Variants in UPP1 observed in about 807,000 individuals in gnomAD.
UPP1 encodes the protein uridine phosphorylase 1.
A neutral mutation model predicts 29.6 loss-of-function variants in UPP1; 25 were observed. That is an observed-to-expected ratio of 0.85 (90% CI 0.62 to 1.18). The LOEUF is 1.18. Among genes scored for constraint, UPP1 ranks in the 50% most tolerant of loss-of-function variants. The pLI, the probability that UPP1 is intolerant of heterozygous loss-of-function variation, is 0.00. For synonymous variants in UPP1, 165 were observed against 159.8 expected, an observed-to-expected ratio of 1.03 and a Z score of -0.25; for missense variants, 368 against 410.4, an observed-to-expected ratio of 0.90 and a Z score of 0.89.
intron 6 of UPP1, 152 bp downstream of exon 6, chr7:48,103,563 C>A: frequency 1.1e-6 from 1 of 894,552 alleles, no homozygotes; most frequent in Non-Finnish European, 1.7e-6. Context: ...TGAAAAGAAG[C>A]TTGTTTTGTT....
chr7:48,100,300 G>T (rs572284654), intron 4 of UPP1, among the ~76,000 whole-genome samples: 1 of 152,178 alleles, frequency 6.6e-6, no homozygotes, highest in Non-Finnish European at 1.5e-5. Context: ...TTCTGGGACC[G>T]CTGTTGTGTA....
intron 3 of UPP1, among the ~76,000 whole-genome samples, chr7:48,097,384 C>G (rs1038325206): frequency 6.6e-6 from 1 of 152,134 alleles, no homozygotes; most frequent in African/African-American, 2.4e-5. Context: ...TAGGTGCATG[C>G]CACCATGCCT....
At chr7:48,100,850 A>T (rs775608538) in intron 4 of UPP1, among the ~76,000 whole-genome samples, 1 of 152,074 alleles carries the variant, frequency 6.6e-6, no homozygotes, top group African/African-American at 2.4e-5. Flanking sequence ...ATTCCAGGCT[A>T]TGGAATTTTC....
intron 3 of UPP1, 74 bp from the exon 4 acceptor site, chr7:48,099,596 G>A: frequency 3.8e-6 from 4 of 1,049,134 alleles, no homozygotes; most frequent in Middle Eastern, 2.0e-4. Flanking sequence ...GTCTGACATA[G>A]GCCACTTCTG....
chr7:48,099,677 C>T lies in UPP1; in HGVS notation c.52C>T (p.Pro18Ser). The change falls in exon 4 of 9, where the codon CCC becomes TCC. Residue 18 changes from proline to serine, a missense_variant. Coordinates refer to ENST00000395564, the MANE Select transcript of UPP1 (RefSeq NM_003364.4). Reference sequence around the variant, plus strand: ...TTTCTTGTTTTTTAACAGTGATTGCCCCGTCAGACTTTTAAATCCAAACAT... The same window carrying T: ...TTTCTTGTTTTTTAACAGTGATTGCTCCGTCAGACTTTTAAATCCAAACAT... ...AEKAESHNDCPVRLLNPNIAK... is the reference protein window; with the variant it reads ...AEKAESHNDCSVRLLNPNIAK... The T allele has an allele frequency of 6.2e-7, 1 of 1,609,312 alleles. No homozygotes were observed. Among genetic ancestry groups the T allele is most frequent in the African/African-American group, 1.3e-5 (1 of 74,906 alleles).
intron 3 of UPP1, among the ~76,000 whole-genome samples, chr7:48,096,491 A>G (rs1412519125): frequency 2.6e-5 from 4 of 152,142 alleles, no homozygotes; most frequent in African/African-American, 9.7e-5. Flanking sequence ...GGCTGTTGCG[A>G]GATGCAGCCA....
At chr7:48,090,391 G>C (rs749826187) in intron 2 of UPP1, 27 bp downstream of exon 2, 1 of 152,238 alleles carries the variant, frequency 6.6e-6, no homozygotes, top group Non-Finnish European at 1.5e-5. Context: ...CACAGTCTGG[G>C]ATCCGGAGTA....
In UPP1 at chr7:48,108,479, A is replaced by T; in HGVS notation, c.*122A>T. On this transcript the variant is annotated 3_prime_UTR_variant, in exon 9 of 9. Transcript: ENST00000395564. Reference sequence around the variant, plus strand: ...CAAGAATCTAGAAAATCAGATCGCGATTAAGAGACAGAGAATCTTGGATTA... The same window carrying T: ...CAAGAATCTAGAAAATCAGATCGCGTTTAAGAGACAGAGAATCTTGGATTA... 8.4e-7 allele frequency: 1 copy of T among 1,194,666 alleles called. No homozygotes were observed. Among genetic ancestry groups the T allele is most frequent in the Non-Finnish European group, 1.1e-6 (1 of 887,074 alleles). 74.0% of individuals were successfully genotyped at this position (1,194,666 alleles called of 1,614,324 possible).
At chr7:48,106,800 C>T in intron 6 of UPP1, 73 bp from the exon 7 acceptor site, 1 of 1,426,124 alleles carries the variant, frequency 7.0e-7, no homozygotes. Flanking sequence ...CTGCTGTGTG[C>T]TCCCTGGCTG....
chr7:48,100,419 TAAA>T (rs1792360025), intron 4 of UPP1, among the ~76,000 whole-genome samples: 1 of 152,234 alleles, frequency 6.6e-6, no homozygotes, highest in Non-Finnish European at 1.5e-5. Context: ...GAGAAAGATG[TAAA>T]AATTTCCTAG....
chr7:48,090,582 C>T (rs1337103970), intron 2 of UPP1, among the ~76,000 whole-genome samples: 2 of 152,194 alleles, frequency 1.3e-5, no homozygotes, highest in African/African-American at 4.8e-5. Flanking sequence ...ACCATTGGTT[C>T]CATTCATTGG....
At chr7:48,108,153 A>C (rs923562994) in intron 8 of UPP1, 65 bp from the exon 9 acceptor site, 1 of 1,571,800 alleles carries the variant, frequency 6.4e-7, no homozygotes. Context: ...TGGGTTCTTC[A>C]TCCCGTCCCT....
chr7:48,093,860 C>T (rs896709847), intron 2 of UPP1, among the ~76,000 whole-genome samples: 1 of 152,054 alleles, frequency 6.6e-6, no homozygotes, highest in Non-Finnish European at 1.5e-5. Flanking sequence ...ATCTGAGATT[C>T]TAGAAAAGTG....
chr7:48,092,536 T>C (rs1042992941), intron 2 of UPP1, among the ~76,000 whole-genome samples: 53 of 152,010 alleles, frequency 3.5e-4, no homozygotes, highest in African/African-American at 1.3e-3. Context: ...TGATACCTCT[T>C]TTAAAACTCA....
At chr7:48,104,004 G>T in intron 6 of UPP1, 1 of 866,738 alleles carries the variant, frequency 1.2e-6, no homozygotes, top group Non-Finnish European at 1.5e-6. Context: ...CGGATCACAA[G>T]ATCGGGAGAT....
chr7:48,108,488 CAG>C lies in UPP1; in HGVS notation c.*135_*136del, dbSNP rs370219977. On this transcript the variant is annotated 3_prime_UTR_variant, in exon 9 of 9. Transcript: ENST00000395564. Reference sequence around the variant, plus strand: ...AGAAAATCAGATCGCGATTAAGAGACAGAGAATCTTGGATTAACCGCATGGGA... The same window carrying C: ...AGAAAATCAGATCGCGATTAAGAGACAGAATCTTGGATTAACCGCATGGGA... The C allele has an allele frequency of 2.8e-5, 32 of 1,140,264 alleles. No homozygotes were observed. In the African/African-American group the frequency reaches 3.3e-4, roughly 12 times the overall value. The allele number at this position is 1,140,264 out of a possible 1,614,324, so 70.6% of individuals were successfully genotyped here.
upstream of UPP1, chr7:48,088,972 T>G (rs978358916): frequency 6.6e-6 from 1 of 152,234 alleles, no homozygotes; most frequent in Non-Finnish European, 1.5e-5. Context: ...GTAACAGAAC[T>G]GGCTGCTGGT....
At chr7:48,106,434 C>T (rs1792738502) in intron 6 of UPP1, 1 of 179,950 alleles carries the variant, frequency 5.6e-6, no homozygotes. Flanking sequence ...CCTCAGTCTC[C>T]CAAGTAGCTG....
chr7:48,094,277 C>T (rs557153532), intron 2 of UPP1, among the ~76,000 whole-genome samples: 8 of 152,192 alleles, frequency 5.3e-5, no homozygotes, highest in East Asian at 1.9e-4. Flanking sequence ...TTTTTTGAGA[C>T]GGAGTGTCGC....
Sources: gnomAD v4.1 joint callset for allele counts (sites outside exome capture counted in the v4.1 genomes callset) on GRCh38, gnomAD v4.1.1 for gene constraint, MANE v1.5 for transcripts, NCBI Gene and HGNC (gene_info 2026-07-23, HGNC 2026-07-21) for gene names.